The following AGBL2 variants were observed in gnomAD, a reference collection of about 807,000 sequenced individuals.
The protein encoded by AGBL2 is AGBL carboxypeptidase 2, also known as cytosolic carboxypeptidase 2.
AGBL2 carries 87 observed loss-of-function variants against 103.0 expected under a neutral mutation model. The observed-to-expected ratio is 0.84, with a 90% CI of 0.71 to 1.01. The LOEUF (loss-of-function observed/expected upper bound fraction) is 1.01. Among genes scored for constraint, AGBL2 ranks in the 50% least tolerant of loss-of-function variants. The probability of loss-of-function intolerance (pLI) is 0.00; values close to 1 mark genes in which losing one functional copy is unlikely to be tolerated. For missense variants in AGBL2, 904 were observed against 1,023.5 expected (o/e 0.88, Z 1.59); for synonymous variants, 335 against 356.7 (o/e 0.94, Z 0.69).
intron 15 of AGBL2, among the ~76,000 whole-genome samples, chr11:47,668,309 C>A (rs1191461532): frequency 1.3e-5 from 2 of 150,180 alleles, no homozygotes; most frequent in Admixed American, 6.7e-5. Flanking sequence ...GAGTTTGAGA[C>A]CAGGATGGCC....
rs2097439608 is a variant in AGBL2, at chr11:47,690,285, G to T, written c.1422C>A (p.Gly474=). 6.2e-7 allele frequency: 1 copy of T among 1,613,618 alleles called. No homozygotes were observed. The highest frequency in any genetic ancestry group is 1.3e-5 in the African/African-American group (1 of 74,856). The change falls in exon 10 of 19, where the codon GGC becomes GGA. Residue 474 remains glycine, a synonymous_variant. Coordinates refer to ENST00000525123, the MANE Select transcript of AGBL2 (RefSeq NM_024783.4). ...GESNGSWVMK[G]FLDFILSNSP... ...AGTTGCTAAGGATGAAGTCCAAAAA[G>T]CCTTTCATAACCCAGGAGCCATTAC...
intron 17 of AGBL2, 137 bp downstream of exon 17, chr11:47,666,819 T>G: frequency 1.4e-6 from 1 of 702,888 alleles, no homozygotes. Flanking sequence ...CCAGTTTTAA[T>G]GTTTTCTTGC....
intron 17 of AGBL2, chr11:47,666,566 T>C (rs1211720286): frequency 4.5e-6 from 2 of 446,944 alleles, no homozygotes; most frequent in Non-Finnish European, 7.8e-6. Flanking sequence ...GCAGGGATAG[T>C]ATTTTGTTCA....
At chr11:47,714,789 T>G in intron 1 of AGBL2, 39 bp from the exon 2 acceptor site, 2 of 859,818 alleles carry the variant, frequency 2.3e-6, no homozygotes, top group Admixed American at 1.9e-5. Flanking sequence ...AAACTGCCAA[T>G]ACCTCCCCGG....
intron 9 of AGBL2, 47 bp from the exon 10 acceptor site, chr11:47,690,905 TA>T (rs1565057218): frequency 1.4e-6 from 2 of 1,464,650 alleles, no homozygotes; most frequent in Non-Finnish European, 1.8e-6. Flanking sequence ...CACCCTGCCT[TA>T]AAAAACAAAT....
In AGBL2 at chr11:47,690,316, C is replaced by T; in HGVS notation, c.1391G>A (p.Gly464Glu). 3.7e-6 allele frequency: 6 copies of T among 1,613,726 alleles called. No individual in the cohort carries two copies. Among genetic ancestry groups the T allele is most frequent in the Non-Finnish European group, 5.1e-6 (6 of 1,179,862 alleles). ...AVVLSARVHP[G>E]ESNGSWVMKG... is the part of the protein sequence containing the mutation. ...CATAACCCAGGAGCCATTACTTTCTCCAGGGTGAACTCTGGCACTCAAGAC... is the reference window on the plus strand; with the variant it reads ...CATAACCCAGGAGCCATTACTTTCTTCAGGGTGAACTCTGGCACTCAAGAC... Residue 464 changes from glycine to glutamate, a missense_variant, in exon 10 of 19, where the codon GGA becomes GAA. Physicochemically the swap from Gly to Glu is moderately conservative, Grantham distance 98. Coordinates refer to ENST00000525123, the MANE Select transcript of AGBL2 (RefSeq NM_024783.4).
chr11:47,711,203 G>GA (rs2097535590), intron 3 of AGBL2, among the ~76,000 whole-genome samples: 1 of 152,004 alleles, frequency 6.6e-6, no homozygotes, highest in Non-Finnish European at 1.5e-5. Context: ...TCCTTCTAAG[G>GA]AAACTTCTTT....
At position 47,690,078 on chromosome 11, in the gene AGBL2, T is replaced by G; in HGVS notation, c.1629A>C (p.Lys543Asn). The change falls in exon 10 of 19, where the codon AAA (lysine) becomes AAC (asparagine). Residue 543 changes from lysine to asparagine, a missense_variant and splice_region_variant. Physicochemically the swap from Lys to Asn is moderately conservative, Grantham distance 94. Transcript: ENST00000525123. The part of the protein sequence containing the change: ...PCIWYTRNMI[K>N]RLLEEREVLL... ...GATCAACAGATAAAAAGTCTCACCTTTTGATCATGTTCCTGGTGTACCAAA... is the reference window on the plus strand; with the variant it reads ...GATCAACAGATAAAAAGTCTCACCTGTTGATCATGTTCCTGGTGTACCAAA... 6.2e-7 allele frequency: 1 copy of G among 1,600,472 alleles called. No homozygotes were observed.
intron 3 of AGBL2, among the ~76,000 whole-genome samples, chr11:47,713,103 G>A (rs142112075): frequency 6.6e-6 from 1 of 151,722 alleles, no homozygotes; most frequent in East Asian, 2.0e-4. Context: ...ACTTTGGGAG[G>A]CCTAGGCAGG....
chr11:47,700,255 C>T (rs1337102764), intron 7 of AGBL2, among the ~76,000 whole-genome samples: 8 of 152,068 alleles, frequency 5.3e-5, no homozygotes, highest in East Asian at 1.9e-4. Context: ...CTGTGCCTAG[C>T]GAAGGCTTTT....
intron 4 of AGBL2, 48 bp from the exon 5 acceptor site, chr11:47,705,965 T>G (rs2097517374): frequency 3.3e-6 from 5 of 1,509,864 alleles, no homozygotes; most frequent in Non-Finnish European, 1.8e-6. Context: ...ATCGTTGTCT[T>G]CTTTTCTTCT....
chr11:47,711,370 A>G (rs1402307083), intron 3 of AGBL2, among the ~76,000 whole-genome samples: 1 of 152,098 alleles, frequency 6.6e-6, no homozygotes, highest in Non-Finnish European at 1.5e-5. Flanking sequence ...CTGGGCAACT[A>G]TTTGCATAAG....
Position 47,690,159 on chromosome 11 carries a change from G to A in AGBL2, c.1548C>T (p.Ala516=), listed in dbSNP as rs75191291. ...VIVGNYRCSL[A]GRDLNRHYKT... ...TATAATGCCTGTTCAAATCCCTTCC[G>A]GCCAAGGAACACCGATAATTCCCCA... The change falls in exon 10 of 19, where the codon GCC becomes GCT. Residue 516 remains alanine, a synonymous_variant. Coordinates refer to ENST00000525123, the MANE Select transcript of AGBL2 (RefSeq NM_024783.4). The A allele has an allele frequency of 2.6e-4, 418 of 1,614,062 alleles. 3 individuals carry two copies. The East Asian group carries it at 8.5e-3, about 33-fold the overall frequency.
intron 2 of AGBL2, 65 bp downstream of exon 2, chr11:47,714,553 T>A: frequency 6.5e-7 from 1 of 1,544,834 alleles, no homozygotes; most frequent in Non-Finnish European, 8.9e-7. Context: ...CAGATTTCTG[T>A]GGAGTTCCCG....
At chr11:47,709,470 AC>A (rs901045919) in intron 4 of AGBL2, among the ~76,000 whole-genome samples, 2 of 151,806 alleles carry the variant, frequency 1.3e-5, no homozygotes, top group Non-Finnish European at 2.9e-5. Flanking sequence ...TTTAGAAGAA[AC>A]CTGTGTCTCT....
At chr11:47,697,838 G>A (rs1189472904) in intron 8 of AGBL2, among the ~76,000 whole-genome samples, 1 of 151,454 alleles carries the variant, frequency 6.6e-6, no homozygotes, top group Non-Finnish European at 1.5e-5. Flanking sequence ...GAGTCATCGC[G>A]CCCGGCCTTT....
At chr11:47,663,135 C>T (rs2097332367) in intron 17 of AGBL2, 23 bp from the exon 18 acceptor site, 4 of 1,503,314 alleles carry the variant, frequency 2.7e-6, no homozygotes, top group Non-Finnish European at 3.6e-6. Flanking sequence ...AACATATCCT[C>T]ACTAAATTTT....
intron 4 of AGBL2, among the ~76,000 whole-genome samples, chr11:47,707,066 G>A (rs999547016): frequency 6.0e-5 from 9 of 150,368 alleles, no homozygotes; most frequent in Non-Finnish European, 1.0e-4. Flanking sequence ...AGGCATGGTG[G>A]CACGTGCCTG....
chr11:47,663,099 C>G lies in AGBL2; in HGVS notation c.2462G>C (p.Arg821Thr). ...GTCCAGGGGGGTGTCTTTGTCTCTT[C>G]TATTTAAATTTGTCTAAAATAAATG... ...NPRLNETNLN[R>T]RDKDTPLDPS... The change falls in exon 18 of 19, where the codon AGA becomes ACA. Residue 821 changes from arginine to threonine, a missense_variant. By Grantham distance (71) the Arg-to-Thr change is moderately conservative. Coordinates refer to ENST00000525123, the MANE Select transcript of AGBL2 (RefSeq NM_024783.4). The G allele has an allele frequency of 1.3e-6, 2 of 1,589,932 alleles. No homozygotes were observed. The highest frequency in any genetic ancestry group is 1.7e-6 in the Non-Finnish European group (2 of 1,174,458).
Sources: allele counts gnomAD v4.1 joint callset (sites outside exome capture counted in the v4.1 genomes callset), GRCh38; gene constraint gnomAD v4.1.1; transcripts MANE v1.5; gene names NCBI Gene and HGNC (gene_info 2026-07-23, HGNC 2026-07-21).